Variants in UBE3A observed in about 807,000 individuals in gnomAD.
UBE3A encodes the protein ubiquitin-protein ligase E3A.
UBE3A carries 6 observed loss-of-function variants against 83.4 expected under a neutral mutation model. The ratio of observed to expected loss-of-function variants is 0.07; its 90% CI spans 0.04 to 0.14. The LOEUF is 0.14. UBE3A is among the 10% of genes least tolerant of loss of function. The pLI is 1.00. For synonymous variants in UBE3A, 337 were observed against 355.4 expected, an observed-to-expected ratio of 0.95 and a Z score of 0.58; for missense variants, 456 against 1,036.1, an observed-to-expected ratio of 0.44 and a Z score of 7.69.
chr15:25,398,814 TAA>T (rs1219524204), intron 4 of UBE3A, among the ~76,000 whole-genome samples: 4,681 of 56,928 alleles, frequency 0.082, 408 homozygotes, highest in East Asian at 0.24. Flanking sequence ...TATATATATA[TAA>T]AAATACATAT....
intron 4 of UBE3A, among the ~76,000 whole-genome samples, chr15:25,399,066 T>C (rs1019452681): frequency 6.6e-6 from 1 of 151,772 alleles, no homozygotes; most frequent in African/African-American, 2.4e-5. Flanking sequence ...TTTCTTACTA[T>C]TGAGATGTCT....
intron 11 of UBE3A, 30 bp downstream of exon 11, chr15:25,354,323 A>C: frequency 6.2e-7 from 1 of 1,607,180 alleles, no homozygotes; most frequent in East Asian, 2.2e-5. Flanking sequence ...TGGTGAATCA[A>C]ATCTTCCTCT....
chr15:25,372,587 A>G (rs1256123543), intron 5 of UBE3A, among the ~76,000 whole-genome samples: 2 of 152,248 alleles, frequency 1.3e-5, no homozygotes, highest in Non-Finnish European at 2.9e-5. Context: ...GAGTTGGACC[A>G]CATTTCCCAA....
intron 6 of UBE3A, among the ~76,000 whole-genome samples, chr15:25,362,290 C>A (rs2078239950): frequency 6.6e-6 from 1 of 152,216 alleles, no homozygotes; most frequent in African/African-American, 2.4e-5. Flanking sequence ...TGTTGTTCAA[C>A]ACCGATCTCT....
Position 25,375,651 on chromosome 15 carries a change from G to T in UBE3A, c.175C>A (p.Arg59Ser), listed in dbSNP as rs587783098. ...ATAGCTGCTGCATTATTATCCATAC[G>T]AAGAAAAGTTGGACAGGAAGCACAA... ...EFCASCPTFL[R>S]MDNNAAAIKA... The change falls in exon 5 of 13, where the codon CGT becomes AGT. Residue 59 changes from arginine (R) to serine (S), a missense_variant. Arg to Ser is a moderately radical substitution (Grantham distance 110). Transcript: ENST00000648336. The T allele has an allele frequency of 6.2e-7, 1 of 1,614,086 alleles. No individual in the cohort carries two copies. Among genetic ancestry groups the T allele is most frequent in the South Asian group, 1.1e-5 (1 of 91,078 alleles).
chr15:25,409,295 T>C (rs1047996042), intron 2 of UBE3A, 88 bp from the exon 3 acceptor site: 29 of 465,526 alleles, frequency 6.2e-5, no homozygotes, highest in Non-Finnish European at 1.0e-4. Flanking sequence ...AGCTTCAAAT[T>C]AGGTGTCAAT....
intron 11 of UBE3A, among the ~76,000 whole-genome samples, chr15:25,345,122 A>C (rs1170931863): frequency 1.3e-5 from 2 of 152,178 alleles, no homozygotes; most frequent in Non-Finnish European, 2.9e-5. Flanking sequence ...TTAGTAAGGA[A>C]GCAGATGCAA....
chr15:25,356,286 T>G (rs555780556), intron 8 of UBE3A, among the ~76,000 whole-genome samples: 1 of 150,828 alleles, frequency 6.6e-6, no homozygotes. Flanking sequence ...AATTTAGCAA[T>G]AGAATTCACA....
intron 11 of UBE3A, chr15:25,347,348 G>A (rs1248338597): frequency 6.6e-6 from 1 of 152,072 alleles, no homozygotes; most frequent in East Asian, 1.9e-4. Context: ...GGCAGTGAAT[G>A]GTGGTAAGTC....
chr15:25,380,574 A>G (rs890206212), intron 4 of UBE3A, among the ~76,000 whole-genome samples: 5 of 152,154 alleles, frequency 3.3e-5, no homozygotes, highest in Non-Finnish European at 7.4e-5. Context: ...GGGAAAAGGG[A>G]AAAAGGGGAA....
rs771650601 is a variant in UBE3A, at chr15:25,334,335, ATACT to A, written c.*4798_*4801del. The A allele has an allele frequency of 6.6e-6, 1 of 152,196 alleles. No individual in the cohort carries two copies. Among genetic ancestry groups the A allele is most frequent in the Non-Finnish European group, 1.5e-5 (1 of 68,030 alleles). The allele number at this position is 152,196 out of a possible 1,614,324, so 9.4% of individuals were successfully genotyped here. ...ATATAATTAAAGTGGCATCAGTAAA[ATACT>A]TAGAAAAAAATTAAAGACGTCAAGA... On this transcript the variant is annotated 3_prime_UTR_variant, in exon 13 of 13. Coordinates refer to ENST00000648336, the MANE Select transcript of UBE3A (RefSeq NM_130839.5).
intron 5 of UBE3A, 87 bp downstream of exon 5, chr15:25,375,378 G>C: frequency 4.1e-6 from 6 of 1,474,412 alleles, no homozygotes; most frequent in Non-Finnish European, 3.7e-6. Flanking sequence ...TTATGTCACA[G>C]AAGAAAAAAC....
Position 25,356,906 on chromosome 15 carries a change from A to G in UBE3A, c.1754-10T>C. 6.2e-7 allele frequency: 1 copy of G among 1,603,742 alleles called. No individual in the cohort carries two copies. Among genetic ancestry groups the G allele is most frequent in the Non-Finnish European group, 8.5e-7 (1 of 1,171,476 alleles). ...TCGTATGTGAACATACCTATAAGAA[A>G]TGATTTTTAAAAATACATTACTTTT... is the stretch of plus-strand genomic sequence containing the variant. On this transcript the variant is annotated splice_polypyrimidine_tract_variant and intron_variant, in intron 7 of 12. Transcript: ENST00000648336.
chr15:25,434,380 C>T (rs1372326991), intron 1 of UBE3A, among the ~76,000 whole-genome samples: 2 of 152,126 alleles, frequency 1.3e-5, no homozygotes, highest in African/African-American at 4.8e-5. Context: ...CCAGCCTGGG[C>T]AACACAGTGA....
rs755878219 is a variant in UBE3A at position 25,339,110 on chromosome 15, TTTTG to T, written c.*23_*26del. ...TTTTTCTTTTTTTTTCCTTCCTTTT[TTTTG>T]TTTTATTTTGTTTTGTTTTGTTTTA... On this transcript the variant is annotated 3_prime_UTR_variant, in exon 13 of 13. Coordinates refer to ENST00000648336, the MANE Select transcript of UBE3A (RefSeq NM_130839.5). 7.5e-6 allele frequency: 11 copies of T among 1,461,620 alleles called. No individual in the cohort carries two copies. In the African/African-American group the frequency reaches 1.6e-4, roughly 21 times the overall value. The allele number at this position is 1,461,620 out of a possible 1,614,324, so 90.5% of individuals were successfully genotyped here.
chr15:25,355,781 CTTGT>C (rs2077137246), intron 9 of UBE3A, 107 bp downstream of exon 9: 11 of 1,096,028 alleles, frequency 1.0e-5, no homozygotes, highest in Non-Finnish European at 1.4e-5. Context: ...AACTTAGTTA[CTTGT>C]TTTTTTTTTG....
At chr15:25,425,707 T>A (rs539831625) in intron 1 of UBE3A, among the ~76,000 whole-genome samples, 1 of 152,188 alleles carries the variant, frequency 6.6e-6, no homozygotes, top group African/African-American at 2.4e-5. Flanking sequence ...TAAAAAAAAA[T>A]AGCTTTTTAT....
At chr15:25,403,701 G>A (rs780107379) in intron 4 of UBE3A, among the ~76,000 whole-genome samples, 1 of 152,078 alleles carries the variant, frequency 6.6e-6, no homozygotes, top group Non-Finnish European at 1.5e-5. Flanking sequence ...GAAGCAACCT[G>A]AGCGCTCATC....
At chr15:25,421,407 C>T (rs1464933056) in intron 1 of UBE3A, among the ~76,000 whole-genome samples, 4 of 152,164 alleles carry the variant, frequency 2.6e-5, no homozygotes, top group Admixed American at 1.3e-4. Context: ...TTTAAGGCAA[C>T]GCAAGAATGG....
Sources: allele counts gnomAD v4.1 joint callset (sites outside exome capture counted in the v4.1 genomes callset), GRCh38; gene constraint gnomAD v4.1.1; transcripts MANE v1.5; gene names NCBI Gene and HGNC (gene_info 2026-07-23, HGNC 2026-07-21).